The following MALRD1 variants were observed in gnomAD, a reference collection of about 807,000 sequenced individuals.
MALRD1 encodes MAM and LDL receptor class A domain containing 1, also known as MAM and LDL-receptor class A domain-containing protein 1.
MALRD1 carries 247 observed loss-of-function variants against 242.1 expected under a neutral mutation model. That is an observed-to-expected ratio of 1.02 (90% confidence interval 0.92 to 1.13). The LOEUF is 1.13. Ranked by LOEUF, MALRD1 falls within the 50% of genes most tolerant of loss-of-function variation. The pLI is 0.00. For synonymous variants in MALRD1, 995 were observed against 866.6 expected, an observed-to-expected ratio of 1.15 and a Z score of -2.60; for missense variants, 2,989 against 2,533.1, an observed-to-expected ratio of 1.18 and a Z score of -3.86.
intron 14 of MALRD1, among the ~76,000 whole-genome samples, chr10:19,176,654 G>A (rs528414246): frequency 2.6e-5 from 4 of 152,028 alleles, no homozygotes; most frequent in East Asian, 2.0e-4. Context: ...GATTACAGGC[G>A]TGAGCCACCG....
chr10:19,123,305 ATGTG>A (rs35317209), intron 5 of MALRD1, among the ~76,000 whole-genome samples, 183 bp from the exon 6 acceptor site: 1 of 149,878 alleles, frequency 6.7e-6, no homozygotes, highest in East Asian at 2.0e-4. Flanking sequence ...AGTGGTGTGT[ATGTG>A]TGTGTGTGTG....
intron 26 of MALRD1, among the ~76,000 whole-genome samples, chr10:19,387,263 A>G (rs527488866): frequency 2.4e-3 from 360 of 150,320 alleles, no homozygotes; most frequent in African/African-American, 8.5e-3. Flanking sequence ...ATTTGGGGAG[A>G]TGGAGGGGTA....
At chr10:19,607,988 T>C in intron 35 of MALRD1, 86 bp downstream of exon 35, 1 of 1,463,220 alleles carries the variant, frequency 6.8e-7, no homozygotes, top group African/African-American at 1.4e-5. Flanking sequence ...CTTGAGGTTC[T>C]AAACAATGGC....
chr10:19,609,731 C>T (rs932719177), intron 35 of MALRD1, among the ~76,000 whole-genome samples: 1 of 151,954 alleles, frequency 6.6e-6, no homozygotes, highest in African/African-American at 2.4e-5. Context: ...TGCTTTGCAA[C>T]CAGAAATTAT....
At chr10:19,329,248 A>G (rs1384386415) in intron 23 of MALRD1, among the ~76,000 whole-genome samples, 2 of 152,168 alleles carry the variant, frequency 1.3e-5, no homozygotes, top group African/African-American at 4.8e-5. Flanking sequence ...CGAGAGAGAC[A>G]GTGGTTAGTT....
chr10:19,147,389 A>G (rs1381299288), intron 11 of MALRD1, among the ~76,000 whole-genome samples: 1 of 152,202 alleles, frequency 6.6e-6, no homozygotes, highest in African/African-American at 2.4e-5. Flanking sequence ...CCATAAATCT[A>G]GTTAATTGTT....
rs1834404847 is a variant in MALRD1, at chr10:19,048,846, T to A, written c.-93T>A. The A allele has an allele frequency of 9.9e-7, 1 of 1,015,002 alleles. No individual in the cohort carries two copies. The highest frequency in any genetic ancestry group is 5.2e-5 in the South Asian group (1 of 19,310). The allele number at this position is 1,015,002 out of a possible 1,614,324, so 62.9% of individuals were successfully genotyped here. ...ATAGTATCCAGTTATAAGAAGCAAA[T>A]CTGGGAAAGGAAGAATAGAGAAATA... On this transcript the variant is annotated 5_prime_UTR_variant, in exon 1 of 40. Transcript: ENST00000454679.
intron 38 of MALRD1, chr10:19,711,280 G>T (rs937911319): frequency 2.6e-5 from 4 of 152,050 alleles, no homozygotes; most frequent in African/African-American, 9.7e-5. Context: ...AAGACCAGTT[G>T]ATTTTCATCT....
At chr10:19,201,368 G>A (rs1279162105) in intron 14 of MALRD1, among the ~76,000 whole-genome samples, 1 of 152,036 alleles carries the variant, frequency 6.6e-6, no homozygotes, top group East Asian at 1.9e-4. Context: ...TATCTAAGAG[G>A]ACTACAAAGT....
At chr10:19,327,502 C>A in intron 22 of MALRD1, 61 bp from the exon 23 acceptor site, 2 of 1,288,588 alleles carry the variant, frequency 1.6e-6, no homozygotes, top group Non-Finnish European at 2.2e-6. Context: ...AAGAATTCTA[C>A]ATGTTTGCAA....
At chr10:19,495,883 C>T (rs1397564896) in intron 30 of MALRD1, among the ~76,000 whole-genome samples, 1 of 152,162 alleles carries the variant, frequency 6.6e-6, no homozygotes, top group Non-Finnish European at 1.5e-5. Context: ...GGAGAAAAAC[C>T]TACCAAGCAA....
At chr10:19,620,273 A>G (rs1839342739) in intron 36 of MALRD1, among the ~76,000 whole-genome samples, 1 of 151,858 alleles carries the variant, frequency 6.6e-6, no homozygotes, top group Non-Finnish European at 1.5e-5. Context: ...CCCAGATAAT[A>G]AGCATAGTAC....
Position 19,064,086 on chromosome 10 carries a change from C to T in MALRD1, c.200-2633C>T, listed in dbSNP as rs114993164. Among the ~76,000 whole-genome samples, 310 of 152,140 alleles carry T rather than the reference C, an allele frequency of 2.0e-3. 1 individual carries two copies. Among genetic ancestry groups the T allele is most frequent in the African/African-American group, 6.4e-3 (264 of 41,484 alleles). ...TGGAACCCAACTCAGGAGATAATTG[C>T]GGCTTCCAAGCAACCTTCCAATCCT... On this transcript the variant is annotated intron_variant, in intron 1 of 39. Transcript: ENST00000454679.
In MALRD1 at chr10:19,211,458, C is replaced by T. The variant is rs151187047; in HGVS notation, c.2991+1778C>T. Among the ~76,000 whole-genome samples, 527 of 151,776 alleles carry T rather than the reference C, an allele frequency of 3.5e-3. 3 individuals are homozygous for T. The highest frequency in any genetic ancestry group is 9.7e-3 in the African/African-American group (401 of 41,376). On this transcript the variant is annotated intron_variant, in intron 18 of 39. Coordinates refer to ENST00000454679, the MANE Select transcript of MALRD1 (RefSeq NM_001142308.3). The stretch of plus-strand genomic sequence containing the variant: ...ACCTGTAATCCCAAGACTGGGAGGC[C>T]GAGGCGGGAGGATTACTTGAGGTCA...
intron 14 of MALRD1, 97 bp downstream of exon 14, chr10:19,175,425 AC>A: frequency 1.2e-6 from 1 of 856,922 alleles, no homozygotes; most frequent in East Asian, 4.8e-5. Context: ...AATACCTAAT[AC>A]AGGGTGTGGA....
At chr10:19,120,159 G>A (rs896817689) in intron 5 of MALRD1, among the ~76,000 whole-genome samples, 1 of 152,094 alleles carries the variant, frequency 6.6e-6, no homozygotes. Context: ...AGAAGAGATG[G>A]AGGGACTGAG....
intron 36 of MALRD1, among the ~76,000 whole-genome samples, chr10:19,688,093 C>A (rs1410746649): frequency 6.6e-6 from 1 of 152,074 alleles, no homozygotes; most frequent in African/African-American, 2.4e-5. Flanking sequence ...CCTCAGCCTC[C>A]CACGTCGCTG....
intron 8 of MALRD1, 66 bp from the exon 9 acceptor site, chr10:19,133,790 A>G (rs1180445405): frequency 3.2e-6 from 2 of 633,240 alleles, no homozygotes; most frequent in Non-Finnish European, 4.5e-6. Context: ...TAATTAAAAG[A>G]GCATGTATGT....
intron 14 of MALRD1, among the ~76,000 whole-genome samples, chr10:19,189,655 T>C (rs1835889707): frequency 6.6e-6 from 1 of 152,026 alleles, no homozygotes; most frequent in South Asian, 2.1e-4. Flanking sequence ...TGGTTCAACC[T>C]AGGAATATCT....
Sources: allele counts gnomAD v4.1 joint callset (sites outside exome capture counted in the v4.1 genomes callset), GRCh38; gene constraint gnomAD v4.1.1; transcripts MANE v1.5; gene names NCBI Gene and HGNC (gene_info 2026-07-23, HGNC 2026-07-21).